SCARA5: variants seen among roughly 807,000 people sequenced by gnomAD.
SCARA5 encodes scavenger receptor class A, member 5 (putative).
Under a neutral mutation model 46.3 loss-of-function variants are expected in SCARA5, and 45 were observed. The observed-to-expected ratio is 0.97, with a 90% confidence interval of 0.76 to 1.24. SCARA5 has a LOEUF of 1.24. SCARA5 is among the 50% of genes most tolerant of loss of function. The pLI is 0.00. For missense variants in SCARA5, 680 were observed against 689.0 expected, an observed-to-expected ratio of 0.99 and a Z score of 0.15; for synonymous variants, 333 against 306.5, an observed-to-expected ratio of 1.09 and a Z score of -0.90.
At chr8:27,977,805 T>C (rs1419633240) in intron 2 of SCARA5, among the ~76,000 whole-genome samples, 1 of 152,226 alleles carries the variant, frequency 6.6e-6, no homozygotes, top group Non-Finnish European at 1.5e-5. Context: ...CTCCCTGGCC[T>C]GGGCCATTTG....
At chr8:27,900,857 C>T (rs531569908) in intron 7 of SCARA5, among the ~76,000 whole-genome samples, 1 of 146,800 alleles carries the variant, frequency 6.8e-6, no homozygotes, top group South Asian at 2.2e-4. Context: ...ACTGATATTG[C>T]CCTTGACTGA....
intron 7 of SCARA5, among the ~76,000 whole-genome samples, chr8:27,900,561 C>A (rs558514589): frequency 3.3e-5 from 5 of 152,070 alleles, no homozygotes; most frequent in Non-Finnish European, 7.4e-5. Flanking sequence ...TAGAATTCAC[C>A]CTGGTGTCAT....
intron 7 of SCARA5, among the ~76,000 whole-genome samples, chr8:27,883,963 TAG>T (rs1806851260): frequency 1.6e-5 from 1 of 60,670 alleles, no homozygotes; most frequent in Admixed American, 1.7e-4. Context: ...AAGACTTTCA[TAG>T]GTCCCGAAGG....
intron 2 of SCARA5, among the ~76,000 whole-genome samples, chr8:27,985,092 A>G (rs1184397769): frequency 6.6e-6 from 1 of 152,240 alleles, no homozygotes; most frequent in African/African-American, 2.4e-5. Flanking sequence ...AGAGATGCCT[A>G]CTGTGGTCCA....
chr8:27,975,020 C>G (rs932556275), intron 2 of SCARA5, among the ~76,000 whole-genome samples: 1 of 152,222 alleles, frequency 6.6e-6, no homozygotes. Context: ...CCTAGATCGC[C>G]TCAGGATGGA....
intron 2 of SCARA5, among the ~76,000 whole-genome samples, chr8:27,972,162 C>T (rs979977027): frequency 2.0e-5 from 3 of 151,858 alleles, no homozygotes; most frequent in African/African-American, 4.8e-5. Flanking sequence ...GCTAAAAATA[C>T]AAAAATTAGC....
At chr8:27,964,363 C>T (rs1221392479) in intron 3 of SCARA5, among the ~76,000 whole-genome samples, 1 of 152,102 alleles carries the variant, frequency 6.6e-6, no homozygotes, top group Non-Finnish European at 1.5e-5. Flanking sequence ...TCAACACAGG[C>T]AATGTGGTAC....
intron 3 of SCARA5, among the ~76,000 whole-genome samples, chr8:27,930,755 C>T (rs949820948): frequency 1.3e-5 from 2 of 152,134 alleles, no homozygotes. Context: ...TTACGTGCAG[C>T]GTGAAAATGG....
rs1202814459 is a variant in SCARA5 at position 27,883,744 on chromosome 8, G to A, written c.1154-3978C>T. Reference sequence around the variant, plus strand: ...AAGCCAGAATCCACTGGTGTCATGTGGGGTAGGGGTGGACATTGTACTGGA... The same window carrying A: ...AAGCCAGAATCCACTGGTGTCATGTAGGGTAGGGGTGGACATTGTACTGGA... On this transcript the variant is annotated intron_variant, in intron 7 of 8. Coordinates refer to ENST00000354914, the MANE Select transcript of SCARA5 (RefSeq NM_173833.6). 3.9e-5 allele frequency among the ~76,000 whole-genome samples: 6 copies of A among 152,166 alleles called. No individual in the cohort carries two copies. In the South Asian group the frequency reaches 1.0e-3, roughly 26 times the overall value.
At chr8:27,908,809 C>T (rs1807316450) in intron 5 of SCARA5, among the ~76,000 whole-genome samples, 1 of 152,128 alleles carries the variant, frequency 6.6e-6, no homozygotes, top group Admixed American at 6.5e-5. Context: ...GGGAGGTTCC[C>T]TGAGAGGGGA....
At chr8:27,892,678 TGGCTCACTCAA>T (rs1667281788) in intron 7 of SCARA5, among the ~76,000 whole-genome samples, 1 of 150,322 alleles carries the variant, frequency 6.7e-6, no homozygotes. Context: ...GGTGCGATCT[TGGCTCACTCAA>T]GCCCCGCCTC....
chr8:27,886,888 C>T (rs1220790719), intron 7 of SCARA5, among the ~76,000 whole-genome samples: 1 of 152,160 alleles, frequency 6.6e-6, no homozygotes, highest in East Asian at 1.9e-4. Flanking sequence ...CCGTGACTTC[C>T]CCAAGACTCT....
intron 3 of SCARA5, among the ~76,000 whole-genome samples, chr8:27,934,620 C>T (rs747704629): frequency 6.6e-6 from 1 of 152,182 alleles, no homozygotes; most frequent in African/African-American, 2.4e-5. Flanking sequence ...CTCCAGTGGG[C>T]AATTCCTGTG....
intron 3 of SCARA5, among the ~76,000 whole-genome samples, chr8:27,922,694 G>A (rs1181695734): frequency 6.6e-6 from 1 of 152,216 alleles, no homozygotes. Flanking sequence ...GTTGGGTGGT[G>A]TTATCCTCTC....
chr8:27,879,552 C>A lies in SCARA5; in HGVS notation c.1351+17G>T. On this transcript the variant is annotated intron_variant, in intron 8 of 8. Coordinates refer to ENST00000354914, the MANE Select transcript of SCARA5 (RefSeq NM_173833.6). Reference sequence around the variant, plus strand: ...GCAGGCCCTCTCCTCATGTTTTTTGCCCTCAGAGCGCCTTACCTTGCCCGA... The same window carrying A: ...GCAGGCCCTCTCCTCATGTTTTTTGACCTCAGAGCGCCTTACCTTGCCCGA... The A allele has an allele frequency of 1.2e-6, 2 of 1,600,310 alleles. No individual in the cohort carries two copies. The highest frequency in any genetic ancestry group is 1.7e-6 in the Non-Finnish European group (2 of 1,178,180).
chr8:27,974,190 C>T (rs1268443243), intron 2 of SCARA5, among the ~76,000 whole-genome samples: 1 of 152,164 alleles, frequency 6.6e-6, no homozygotes, highest in African/African-American at 2.4e-5. Flanking sequence ...GGGGGAAAAG[C>T]ATGGGTCTGG....
In SCARA5 at chr8:27,972,431, T is replaced by A. The variant is rs60436223; in HGVS notation, c.113-5889A>T. On this transcript the variant is annotated intron_variant, in intron 2 of 8. Transcript: ENST00000354914. ...GCATCTTGAACACCACTATGCTGTA[T>A]GTAGCCACATCCTGGGAAACACTGA... 2.5e-3 allele frequency among the ~76,000 whole-genome samples: 375 copies of A among 152,346 alleles called. 3 individuals are homozygous for A. The highest frequency in any genetic ancestry group is 8.7e-3 in the African/African-American group (361 of 41,578).
chr8:27,937,173 T>C (rs6982976), intron 3 of SCARA5, among the ~76,000 whole-genome samples: 2,298 of 152,294 alleles, frequency 0.015, 64 homozygotes, highest in African/African-American at 0.053. Flanking sequence ...AGTGAAATAC[T>C]GTAGTAGTAT....
chr8:27,929,954 C>T (rs1807742917), intron 3 of SCARA5, among the ~76,000 whole-genome samples: 1 of 152,200 alleles, frequency 6.6e-6, no homozygotes, highest in African/African-American at 2.4e-5. Flanking sequence ...TCACACAAAA[C>T]AGCATGGAGA....
Sources: gnomAD v4.1 joint callset for allele counts (sites outside exome capture counted in the v4.1 genomes callset) on GRCh38, gnomAD v4.1.1 for gene constraint, MANE v1.5 for transcripts, NCBI Gene and HGNC (gene_info 2026-07-23, HGNC 2026-07-21) for gene names.